NKAIN3: variants seen among roughly 807,000 people sequenced by gnomAD.
NKAIN3 encodes the protein sodium/potassium transporting ATPase interacting 3.
NKAIN3 carries 25 observed loss-of-function variants against 30.2 expected under a neutral mutation model. The observed-to-expected ratio is 0.83, with a 90% CI of 0.60 to 1.16. The LOEUF (loss-of-function observed/expected upper bound fraction) is 1.16. Among genes scored for constraint, NKAIN3 ranks in the 50% most tolerant of loss-of-function variants. The pLI is 0.00. For missense variants in NKAIN3, 225 were observed against 254.1 expected (o/e 0.89, Z 0.78); for synonymous variants, 91 against 89.6 (o/e 1.02, Z -0.09).
intron 1 of NKAIN3, among the ~76,000 whole-genome samples, chr8:62,280,453 A>G (rs1430589367): frequency 1.3e-5 from 2 of 152,084 alleles, no homozygotes; most frequent in African/African-American, 2.4e-5. Flanking sequence ...ATCTTGTGCC[A>G]GTTTTCAAAG....
chr8:62,422,314 A>G (rs1057178043), intron 1 of NKAIN3, among the ~76,000 whole-genome samples: 1 of 152,140 alleles, frequency 6.6e-6, no homozygotes, highest in Admixed American at 6.6e-5. Context: ...TGAATAAACA[A>G]CATTTTAATT....
At chr8:62,572,888 A>G (rs940471200) in intron 1 of NKAIN3, among the ~76,000 whole-genome samples, 1 of 152,188 alleles carries the variant, frequency 6.6e-6, no homozygotes, top group Non-Finnish European at 1.5e-5. Flanking sequence ...AACCACATCA[A>G]TGTGTCAATA....
chr8:62,720,933 A>G (rs1815068637), intron 3 of NKAIN3, among the ~76,000 whole-genome samples: 1 of 152,182 alleles, frequency 6.6e-6, no homozygotes, highest in Non-Finnish European at 1.5e-5. Context: ...CTTGAACTAC[A>G]TGTGGTCGAT....
chr8:62,548,110 T>C (rs1246610722), intron 1 of NKAIN3, among the ~76,000 whole-genome samples: 1 of 152,212 alleles, frequency 6.6e-6, no homozygotes, highest in Non-Finnish European at 1.5e-5. Flanking sequence ...TGTCCACTCT[T>C]ATGCCCTCCT....
chr8:62,409,390 G>T (rs929608721), intron 1 of NKAIN3, among the ~76,000 whole-genome samples: 22 of 152,190 alleles, frequency 1.4e-4, no homozygotes, highest in African/African-American at 5.1e-4. Context: ...CACCATGTTG[G>T]TCAGGCTGGT....
At chr8:62,741,227 C>T (rs1459027651) in intron 3 of NKAIN3, among the ~76,000 whole-genome samples, 2 of 151,870 alleles carry the variant, frequency 1.3e-5, no homozygotes, top group Admixed American at 1.3e-4. Flanking sequence ...TTTCTATTGT[C>T]CTTGAAGTTC....
At chr8:62,745,163 C>T (rs557474569) in intron 3 of NKAIN3, among the ~76,000 whole-genome samples, 4 of 152,324 alleles carry the variant, frequency 2.6e-5, no homozygotes, top group South Asian at 2.1e-4. Context: ...CCACTAGCTT[C>T]CTCTAAGTTT....
intron 1 of NKAIN3, among the ~76,000 whole-genome samples, chr8:62,466,209 G>A (rs1176286514): frequency 6.6e-6 from 1 of 151,922 alleles, no homozygotes; most frequent in Non-Finnish European, 1.5e-5. Flanking sequence ...TTTGGACAGA[G>A]GAAATTTGAA....
intron 1 of NKAIN3, among the ~76,000 whole-genome samples, chr8:62,385,258 C>A (rs1388325899): frequency 6.6e-6 from 1 of 152,154 alleles, no homozygotes. Flanking sequence ...AGGCCCTCTA[C>A]AAACATTATC....
At chr8:62,265,835 G>T (rs1176882848) in intron 1 of NKAIN3, among the ~76,000 whole-genome samples, 2 of 152,142 alleles carry the variant, frequency 1.3e-5, no homozygotes, top group East Asian at 3.9e-4. Context: ...TGTGTGTGGT[G>T]TCTTTCCAGT....
At chr8:62,964,537 A>AGTGTGTGTGTGTGT (rs56313500) in intron 6 of NKAIN3, among the ~76,000 whole-genome samples, 2 of 133,132 alleles carry the variant, frequency 1.5e-5, no homozygotes, top group African/African-American at 2.8e-5. Context: ...AGAGAGAGAG[A>AGTGTGTGTGTGTGT]GTGTGTGTGT....
intron 1 of NKAIN3, among the ~76,000 whole-genome samples, chr8:62,410,887 A>C (rs987180715): frequency 1.3e-5 from 2 of 152,140 alleles, no homozygotes; most frequent in African/African-American, 4.8e-5. Context: ...CAACAACAAC[A>C]AAAAAATCAG....
chr8:62,965,509 G>A lies in NKAIN3; in HGVS notation c.*102G>A, dbSNP rs1032632504. ...TCCTGGCTTTCCCACGAATCATGGA[G>A]CATTTTGGTCACAGCCTTTGTATTA... On this transcript the variant is annotated 3_prime_UTR_variant, in exon 7 of 7. Transcript: ENST00000623646. 2.8e-5 allele frequency: 28 copies of A among 985,100 alleles called. No homozygotes were observed. The highest frequency in any genetic ancestry group is 3.5e-5 in the African/African-American group (2 of 57,046). The allele number at this position is 985,100 out of a possible 1,614,324, so 61.0% of individuals were successfully genotyped here. A position where few individuals can be genotyped will look rare whatever the true frequency, so the allele number is the denominator to read the frequency against.
chr8:62,580,616 T>C (rs1432659086), intron 2 of NKAIN3, among the ~76,000 whole-genome samples: 1 of 152,196 alleles, frequency 6.6e-6, no homozygotes, highest in Non-Finnish European at 1.5e-5. Flanking sequence ...AATAAAGTTA[T>C]AATTTTTCTC....
At chr8:62,963,532 T>C (rs961759533) in intron 6 of NKAIN3, among the ~76,000 whole-genome samples, 17 of 152,144 alleles carry the variant, frequency 1.1e-4, no homozygotes, top group African/African-American at 4.1e-4. Context: ...AAAAACACCT[T>C]CTCCTGTTGC....
intron 4 of NKAIN3, among the ~76,000 whole-genome samples, chr8:62,801,469 G>T (rs561815220): frequency 3.3e-5 from 5 of 152,168 alleles, no homozygotes; most frequent in African/African-American, 9.7e-5. Flanking sequence ...ATGAAAACCC[G>T]CTGTTCTGCA....
At chr8:62,471,899 C>T (rs1172179578) in intron 1 of NKAIN3, among the ~76,000 whole-genome samples, 3 of 152,104 alleles carry the variant, frequency 2.0e-5, no homozygotes, top group Admixed American at 1.3e-4. Flanking sequence ...GAGCTATGAT[C>T]GTGCCAGTTA....
At chr8:62,333,245 T>C (rs1416841770) in intron 1 of NKAIN3, among the ~76,000 whole-genome samples, 1 of 152,136 alleles carries the variant, frequency 6.6e-6, no homozygotes, top group Non-Finnish European at 1.5e-5. Flanking sequence ...GAATTTGTGG[T>C]TCATTTCACC....
intron 5 of NKAIN3, among the ~76,000 whole-genome samples, chr8:62,919,187 A>AACTCTGTT (rs1201183689): frequency 3.4e-5 from 5 of 147,510 alleles, no homozygotes; most frequent in South Asian, 4.2e-4. Flanking sequence ...TTCTTGGCAC[A>AACTCTGTT]ACTCTGTTAG....
Sources: gnomAD v4.1 joint callset for allele counts (sites outside exome capture counted in the v4.1 genomes callset) on GRCh38, gnomAD v4.1.1 for gene constraint, MANE v1.5 for transcripts, NCBI Gene and HGNC (gene_info 2026-07-23, HGNC 2026-07-21) for gene names.